RPS6KC1: variants seen among roughly 807,000 people sequenced by gnomAD.
The protein encoded by RPS6KC1 is ribosomal protein S6 kinase C1.
RPS6KC1 carries 54 observed loss-of-function variants against 103.8 expected under a neutral mutation model. The ratio of observed to expected loss-of-function variants is 0.52; its 90% CI spans 0.42 to 0.65. The LOEUF is 0.65. Among genes scored for constraint, RPS6KC1 ranks in the 30% least tolerant of loss-of-function variants. The pLI, the probability that RPS6KC1 is intolerant of heterozygous loss-of-function variation, is 0.00. For missense variants in RPS6KC1, 1,151 were observed against 1,253.8 expected (o/e 0.92, Z 1.24); for synonymous variants, 439 against 438.7 (o/e 1.00, Z -0.01).
chr1:213,551,958 T>C, the RPS6KC1 span, among the ~76,000 whole-genome samples: 1 of 152,362 alleles, frequency 6.6e-6, no homozygotes, highest in South Asian at 2.1e-4. Flanking sequence ...TTATATAGCA[T>C]GTAGCCCTTT....
chr1:213,846,746 G>T, the RPS6KC1 span, among the ~76,000 whole-genome samples: 1 of 152,012 alleles, frequency 6.6e-6, no homozygotes, highest in African/African-American at 2.4e-5. Flanking sequence ...TAAGAGTAAG[G>T]GTAGGGTGTG....
At chr1:213,529,142 T>TA in the RPS6KC1 span, among the ~76,000 whole-genome samples, 1 of 151,508 alleles carries the variant, frequency 6.6e-6, no homozygotes, top group Non-Finnish European at 1.5e-5. Flanking sequence ...AGTATAAAGT[T>TA]ACAACTGTAG....
At chr1:213,726,232 C>A in the RPS6KC1 span, among the ~76,000 whole-genome samples, 1 of 152,140 alleles carries the variant, frequency 6.6e-6, no homozygotes, top group Non-Finnish European at 1.5e-5. Context: ...ACTACAGGTG[C>A]ACGCTACTAC....
At chr1:213,294,229 G>A in the RPS6KC1 span, among the ~76,000 whole-genome samples, 1 of 152,200 alleles carries the variant, frequency 6.6e-6, no homozygotes, top group Non-Finnish European at 1.5e-5. Context: ...CTCACAAGAG[G>A]AAGAATTGAT....
At chr1:213,387,275 C>A in the RPS6KC1 span, among the ~76,000 whole-genome samples, 784 of 152,314 alleles carry the variant, frequency 5.1e-3, 9 homozygotes, top group African/African-American at 0.014. Flanking sequence ...CATTTTCTGT[C>A]TTAGTAGTAA....
At chr1:213,642,523 T>A in the RPS6KC1 span, among the ~76,000 whole-genome samples, 1 of 152,174 alleles carries the variant, frequency 6.6e-6, no homozygotes, top group Non-Finnish European at 1.5e-5. Flanking sequence ...AGTGCCTATT[T>A]TAATGCTTGC....
At chr1:213,449,248 T>C in the RPS6KC1 span, among the ~76,000 whole-genome samples, 8 of 151,982 alleles carry the variant, frequency 5.3e-5, no homozygotes, top group South Asian at 2.1e-4. Context: ...CACTTAGAGA[T>C]TGATTTAGTC....
At chr1:213,753,464 A>G in the RPS6KC1 span, among the ~76,000 whole-genome samples, 2 of 152,170 alleles carry the variant, frequency 1.3e-5, no homozygotes, top group African/African-American at 4.8e-5. Flanking sequence ...CCTTTGGGTC[A>G]AAATAAGAAG....
intron 1 of RPS6KC1, among the ~76,000 whole-genome samples, chr1:213,053,916 A>T (rs958385558): frequency 6.6e-6 from 1 of 151,758 alleles, no homozygotes; most frequent in Admixed American, 6.6e-5. Context: ...AGCTTACAGT[A>T]ACCTCGCCTC....
the RPS6KC1 span, among the ~76,000 whole-genome samples, chr1:213,651,509 G>T: frequency 6.6e-6 from 1 of 152,192 alleles, no homozygotes; most frequent in Non-Finnish European, 1.5e-5. Context: ...ACTGGTGCAC[G>T]ATGCCCATGG....
the RPS6KC1 span, among the ~76,000 whole-genome samples, chr1:213,631,238 T>C: frequency 4.7e-3 from 717 of 152,116 alleles, 6 homozygotes; most frequent in African/African-American, 0.016. Flanking sequence ...TGTCTGTCAC[T>C]CCTCAGTGAG....
chr1:213,102,789 C>A (rs999438012), intron 3 of RPS6KC1, among the ~76,000 whole-genome samples: 7 of 152,028 alleles, frequency 4.6e-5, no homozygotes, highest in Non-Finnish European at 1.0e-4. Flanking sequence ...AGTTATAGAC[C>A]CTATCCTTAG....
At chr1:213,318,990 T>C in the RPS6KC1 span, among the ~76,000 whole-genome samples, 1 of 152,104 alleles carries the variant, frequency 6.6e-6, no homozygotes, top group African/African-American at 2.4e-5. Flanking sequence ...TAGTTATAGG[T>C]TGGGACAAGT....
chr1:213,355,233 A>AG, the RPS6KC1 span, among the ~76,000 whole-genome samples: 1 of 150,372 alleles, frequency 6.7e-6, no homozygotes. Flanking sequence ...GAAAAAAAAA[A>AG]GAGAGAGAGA....
In RPS6KC1 at chr1:213,240,906, C is replaced by G. The variant is rs781594497; in HGVS notation, c.1430C>G (p.Thr477Ser). 3 of 1,613,694 alleles carry G rather than the reference C, an allele frequency of 1.9e-6. No homozygotes were observed. The highest frequency in any genetic ancestry group is 2.5e-6 in the Non-Finnish European group (3 of 1,179,878). ...GCTCTGCCTTTGAAGAGTAGTCTTACTCCAAGTTCTCAAGATGACAGCAAC... is the reference window on the plus strand; with the variant it reads ...GCTCTGCCTTTGAAGAGTAGTCTTAGTCCAAGTTCTCAAGATGACAGCAAC... ...LKALPLKSSL[T>S]PSSQDDSNQE... The change falls in exon 11 of 15, where the codon ACT becomes AGT. Residue 477 changes from threonine (T) to serine (S), a missense_variant. This residue lies in a region of RPS6KC1 where 959 missense variants were observed against 1,006.3 expected (regional missense o/e 0.95). Coordinates refer to ENST00000366960, the MANE Select transcript of RPS6KC1 (RefSeq NM_012424.6).
At chr1:213,544,891 G>A in the RPS6KC1 span, among the ~76,000 whole-genome samples, 2 of 152,184 alleles carry the variant, frequency 1.3e-5, no homozygotes, top group African/African-American at 4.8e-5. Context: ...GTGGAGCAAA[G>A]TCAGAAGAAT....
chr1:213,539,311 G>GA, the RPS6KC1 span, among the ~76,000 whole-genome samples: 2 of 152,166 alleles, frequency 1.3e-5, no homozygotes, highest in African/African-American at 4.8e-5. Context: ...TTTCATTGCA[G>GA]AAAAATAAGC....
the RPS6KC1 span, among the ~76,000 whole-genome samples, chr1:213,540,541 G>T: frequency 5.0e-4 from 76 of 152,104 alleles, no homozygotes; most frequent in Non-Finnish European, 9.6e-4. Flanking sequence ...GATAGAGATG[G>T]GGTTTTGCCA....
At chr1:213,117,225 C>A in intron 4 of RPS6KC1, 92 bp from the exon 5 acceptor site, 32 of 655,740 alleles carry the variant, frequency 4.9e-5, no homozygotes, top group Middle Eastern at 4.1e-4. Flanking sequence ...TTCTGTACAT[C>A]TTTACACATA....
Sources: gnomAD v4.1 joint callset for allele counts (sites outside exome capture counted in the v4.1 genomes callset) on GRCh38, gnomAD v4.1.1 for gene constraint, gnomAD v4.1.1 regional missense constraint, MANE v1.5 for transcripts, NCBI Gene and HGNC (gene_info 2026-07-23, HGNC 2026-07-21) for gene names.